The following GADL1 variants were observed in gnomAD, a reference collection of about 807,000 sequenced individuals.
The protein encoded by GADL1 is acidic amino acid decarboxylase GADL1.
A neutral mutation model predicts 69.5 loss-of-function variants in GADL1; 71 were observed. That is an observed-to-expected ratio of 1.02 (90% confidence interval 0.84 to 1.25). GADL1 has a LOEUF of 1.25. Among genes scored for constraint, GADL1 ranks in the 50% most tolerant of loss-of-function variants. The probability of loss-of-function intolerance (pLI) is 0.00; values close to 1 mark genes in which losing one functional copy is unlikely to be tolerated. For missense variants in GADL1, 737 were observed against 631.8 expected (o/e 1.17, Z -1.79); for synonymous variants, 254 against 214.4 (o/e 1.18, Z -1.62).
chr3:30,875,001 C>CAG (rs1257234019), intron 1 of GADL1, among the ~76,000 whole-genome samples: 1 of 151,852 alleles, frequency 6.6e-6, no homozygotes, highest in East Asian at 1.9e-4. Flanking sequence ...TCAGCTCAGC[C>CAG]AGGAAGATTG....
chr3:30,834,330 G>C (rs1559356061), intron 9 of GADL1, 49 bp from the exon 10 acceptor site: 1 of 1,483,062 alleles, frequency 6.7e-7, no homozygotes, highest in Non-Finnish European at 9.4e-7. Context: ...AATGTTATTT[G>C]TTTACCAGTG....
chr3:30,888,790 G>A (rs74980488), intron 1 of GADL1, among the ~76,000 whole-genome samples: 1 of 151,904 alleles, frequency 6.6e-6, no homozygotes, highest in Admixed American at 6.6e-5. Flanking sequence ...GACTGAAAAA[G>A]AGTTCCCTAC....
intron 11 of GADL1, among the ~76,000 whole-genome samples, chr3:30,804,358 AG>A (rs1697217138): frequency 1.3e-5 from 2 of 152,180 alleles, no homozygotes; most frequent in Non-Finnish European, 2.9e-5. Flanking sequence ...GAAATGACAA[AG>A]AGACAACTTC....
intron 5 of GADL1, 33 bp downstream of exon 5, chr3:30,850,802 G>A (rs779605452): frequency 5.6e-6 from 7 of 1,250,532 alleles, no homozygotes; most frequent in Middle Eastern, 1.9e-4. Context: ...TGGTTGTATT[G>A]GAAGGTTGAT....
chr3:30,748,950 A>G (rs1310582770), intron 14 of GADL1, among the ~76,000 whole-genome samples: 1 of 152,220 alleles, frequency 6.6e-6, no homozygotes, highest in Non-Finnish European at 1.5e-5. Flanking sequence ...ACTGCCTCTA[A>G]ACTTCCCACA....
At chr3:30,760,266 C>T (rs1290693793) in intron 14 of GADL1, among the ~76,000 whole-genome samples, 1 of 152,202 alleles carries the variant, frequency 6.6e-6, no homozygotes, top group Non-Finnish European at 1.5e-5. Context: ...ATACATATTA[C>T]TCATACCCCA....
intron 11 of GADL1, among the ~76,000 whole-genome samples, chr3:30,816,080 T>A (rs1697463075): frequency 6.6e-6 from 1 of 152,184 alleles, no homozygotes. Flanking sequence ...TTATTGAACT[T>A]GCCAGGCCTG....
At chr3:30,773,900 C>T (rs149231324) in intron 14 of GADL1, among the ~76,000 whole-genome samples, 23 of 152,234 alleles carry the variant, frequency 1.5e-4, no homozygotes, top group Non-Finnish European at 1.2e-4. Flanking sequence ...AATCTCCTGA[C>T]GCTCACCAAC....
chr3:30,838,264 G>T (rs1575228252), intron 9 of GADL1, among the ~76,000 whole-genome samples: 1 of 151,912 alleles, frequency 6.6e-6, no homozygotes, highest in Non-Finnish European at 1.5e-5. Context: ...TTTTAAAAAA[G>T]AAAATTAAAA....
At chr3:30,854,562 T>C (rs1698198784) in intron 4 of GADL1, 137 bp downstream of exon 4, 8 of 573,428 alleles carry the variant, frequency 1.4e-5, no homozygotes, top group Non-Finnish European at 2.5e-5. Flanking sequence ...TACTGATAAG[T>C]ATCATAAAAC....
At chr3:30,814,044 C>T (rs1049967516) in intron 11 of GADL1, among the ~76,000 whole-genome samples, 1 of 152,204 alleles carries the variant, frequency 6.6e-6, no homozygotes, top group Non-Finnish European at 1.5e-5. Flanking sequence ...AAGGAAATTA[C>T]ATTTATCGTG....
Position 30,857,020 on chromosome 3 carries a change from T to A in GADL1, c.332A>T (p.Lys111Ile). 6.5e-7 allele frequency: 1 copy of A among 1,549,402 alleles called. No homozygotes were observed. The highest frequency in any genetic ancestry group is 8.7e-7 in the Non-Finnish European group (1 of 1,145,304). ...AAGTAAATTAAAGTTCTTACTAGTT[T>A]TGACACTGTAGTGTATGACATCCCG... ...LCRDVIHYSV[K>I]TNHPRFFNQL... Residue 111 changes from lysine to isoleucine, a missense_variant, in exon 3 of 15, where the codon AAA becomes ATA. Transcript: ENST00000282538.
At chr3:30,755,178 C>T (rs937662638) in intron 14 of GADL1, among the ~76,000 whole-genome samples, 1 of 152,140 alleles carries the variant, frequency 6.6e-6, no homozygotes, top group African/African-American at 2.4e-5. Flanking sequence ...AAAAACTAAC[C>T]TGTACCTTAC....
At chr3:30,847,259 A>C (rs971441743) in intron 6 of GADL1, among the ~76,000 whole-genome samples, 6 of 152,212 alleles carry the variant, frequency 3.9e-5, no homozygotes, top group African/African-American at 1.4e-4. Context: ...GGTCTTTATC[A>C]ATAGTAAAAT....
intron 6 of GADL1, among the ~76,000 whole-genome samples, chr3:30,847,524 T>A (rs1397252579): frequency 6.6e-6 from 1 of 152,162 alleles, no homozygotes; most frequent in African/African-American, 2.4e-5. Context: ...ATAGATGGAT[T>A]TGTTGTAATA....
At chr3:30,850,768 G>T in intron 5 of GADL1, 67 bp downstream of exon 5, 1 of 884,032 alleles carries the variant, frequency 1.1e-6, no homozygotes, top group Non-Finnish European at 1.8e-6. Flanking sequence ...GCAAGGAGTT[G>T]TTCCTCATGG....
chr3:30,830,917 A>T (rs548558878), intron 11 of GADL1, among the ~76,000 whole-genome samples: 2 of 152,012 alleles, frequency 1.3e-5, no homozygotes, highest in Admixed American at 1.3e-4. Context: ...AGTAATCAGG[A>T]TGATTACATG....
chr3:30,745,748 C>T (rs534949151), intron 14 of GADL1, among the ~76,000 whole-genome samples: 6 of 110,802 alleles, frequency 5.4e-5, no homozygotes, highest in African/African-American at 2.8e-4. Flanking sequence ...TGTTGAGATA[C>T]CTGAACTTTT....
Position 30,850,089 on chromosome 3 carries a change from A to C in GADL1, c.558T>G (p.Tyr186Ter), listed in dbSNP as rs557163401. 6 of 1,606,476 alleles carry C rather than the reference A, an allele frequency of 3.7e-6. No individual in the cohort carries two copies. The African/African-American group carries it at 4.0e-5, about 11-fold the overall frequency. The change falls in exon 6 of 15, where the codon TAT (tyrosine) becomes TAG (stop). Residue 186 changes from tyrosine to a stop codon, truncating the protein, a stop_gained. Coordinates refer to ENST00000282538, the MANE Select transcript of GADL1 (RefSeq NM_207359.3). LOFTEE classifies it high-confidence loss of function. ...FNPGGSVSNM[Y>*]AMNLARYKYC... ...ATTTGTATCTAGCTAAATTCATTGC[A>C]TACATATTGGACACTGAGCCACCTG... is the stretch of plus-strand genomic sequence containing the variant.
Sources: allele counts gnomAD v4.1 joint callset (sites outside exome capture counted in the v4.1 genomes callset), GRCh38; gene constraint gnomAD v4.1.1; transcripts MANE v1.5; gene names NCBI Gene and HGNC (gene_info 2026-07-23, HGNC 2026-07-21).